SHROOM3: variants seen among roughly 807,000 people sequenced by gnomAD.
SHROOM3 encodes shroom family member 3, also known as protein Shroom3.
Under a neutral mutation model 138.6 loss-of-function variants are expected in SHROOM3, and 47 were observed. The ratio of observed to expected loss-of-function variants is 0.34; its 90% confidence interval spans 0.27 to 0.43. SHROOM3 has a LOEUF of 0.43. Ranked by LOEUF, SHROOM3 falls within the 20% of genes least tolerant of loss-of-function variation. The pLI is 1.00. For synonymous variants in SHROOM3, 1,062 were observed against 1,063.3 expected, an observed-to-expected ratio of 1.00 and a Z score of 0.02; for missense variants, 2,491 against 2,596.5, an observed-to-expected ratio of 0.96 and a Z score of 0.88.
At chr4:76,609,644 T>A (rs1577916939) in intron 2 of SHROOM3, among the ~76,000 whole-genome samples, 2 of 152,186 alleles carry the variant, frequency 1.3e-5, no homozygotes, top group African/African-American at 4.8e-5. Context: ...AAAAACAAAT[T>A]ACGTTGTAAA....
Position 76,649,499 on chromosome 4 carries a change from G to A in SHROOM3, c.324-60657G>A, listed in dbSNP as rs181443144. 1.4e-3 allele frequency among the ~76,000 whole-genome samples: 220 copies of A among 152,290 alleles called. 1 individual carries two copies. The highest frequency in any genetic ancestry group is 5.1e-3 in the African/African-American group (211 of 41,560). On this transcript the variant is annotated intron_variant, in intron 2 of 10. Coordinates refer to ENST00000296043, the MANE Select transcript of SHROOM3 (RefSeq NM_020859.4). Reference sequence around the variant, plus strand: ...GATCCTAGGGCTTCAATCAAAACCAGTGAGTAGTTTTAAGCAAAATTCTTT... The same window carrying A: ...GATCCTAGGGCTTCAATCAAAACCAATGAGTAGTTTTAAGCAAAATTCTTT...
chr4:76,762,904 A>G (rs1224106715), intron 9 of SHROOM3, among the ~76,000 whole-genome samples: 1 of 152,232 alleles, frequency 6.6e-6, no homozygotes, highest in Non-Finnish European at 1.5e-5. Context: ...TACCTCCTCC[A>G]GGAAGATAAA....
intron 4 of SHROOM3, among the ~76,000 whole-genome samples, chr4:76,731,499 G>A (rs1036758487): frequency 2.6e-5 from 4 of 152,086 alleles, no homozygotes; most frequent in Admixed American, 2.0e-4. Context: ...TGAAGCTTGC[G>A]GCTGGGTGCA....
At chr4:76,538,993 G>T (rs1469996722) in intron 1 of SHROOM3, among the ~76,000 whole-genome samples, 1 of 152,168 alleles carries the variant, frequency 6.6e-6, no homozygotes, top group East Asian at 1.9e-4. Context: ...TTCTTAGGCT[G>T]TAGGGAGCTG....
At chr4:76,733,316 C>T (rs1720936318) in intron 4 of SHROOM3, among the ~76,000 whole-genome samples, 1 of 152,176 alleles carries the variant, frequency 6.6e-6, no homozygotes, top group South Asian at 2.1e-4. Flanking sequence ...ATCCCAGCCT[C>T]CAGAGGGGCT....
At chr4:76,578,668 CT>C (rs1362497936) in intron 2 of SHROOM3, among the ~76,000 whole-genome samples, 1 of 152,172 alleles carries the variant, frequency 6.6e-6, no homozygotes, top group Non-Finnish European at 1.5e-5. Flanking sequence ...CTGGAATAAG[CT>C]GGAAAGGTCT....
chr4:76,703,455 T>A (rs755846012), intron 2 of SHROOM3, among the ~76,000 whole-genome samples: 22 of 152,122 alleles, frequency 1.4e-4, no homozygotes, highest in Non-Finnish European at 2.8e-4. Context: ...AAACGGCTGA[T>A]CAATGGTCAG....
At chr4:76,567,989 C>T (rs578068126) in intron 2 of SHROOM3, among the ~76,000 whole-genome samples, 1 of 152,106 alleles carries the variant, frequency 6.6e-6, no homozygotes, top group Non-Finnish European at 1.5e-5. Flanking sequence ...GTCAGCATCC[C>T]CTGCAGAGTC....
Position 76,618,752 on chromosome 4 carries a change from G to A in SHROOM3, c.323+62989G>A, listed in dbSNP as rs183295656. ...CAACTCTAGTAATTTTAACATTGATGTAATACTTTATTTTCTGAATTTCTG... is the reference window on the plus strand; with the variant it reads ...CAACTCTAGTAATTTTAACATTGATATAATACTTTATTTTCTGAATTTCTG... On this transcript the variant is annotated intron_variant, in intron 2 of 10. Transcript: ENST00000296043. 7.2e-5 allele frequency among the ~76,000 whole-genome samples: 11 copies of A among 152,246 alleles called. No individual in the cohort carries two copies. In the East Asian group the frequency reaches 1.9e-3, roughly 27 times the overall value.
chr4:76,495,459 C>T (rs1411574616), intron 1 of SHROOM3, among the ~76,000 whole-genome samples: 1 of 152,364 alleles, frequency 6.6e-6, no homozygotes, highest in East Asian at 1.9e-4. Flanking sequence ...CCTTCCTGCT[C>T]CAGAGATCTG....
intron 1 of SHROOM3, among the ~76,000 whole-genome samples, chr4:76,493,645 T>C (rs892983635): frequency 1.3e-5 from 2 of 152,210 alleles, no homozygotes; most frequent in Non-Finnish European, 2.9e-5. Flanking sequence ...GTATCTCCTC[T>C]ACCCACTTTG....
chr4:76,658,649 CAAACCCCCTCCCATGTGTGTA>C (rs944175517), intron 2 of SHROOM3, among the ~76,000 whole-genome samples: 7 of 152,118 alleles, frequency 4.6e-5, no homozygotes, highest in Non-Finnish European at 7.4e-5. Context: ...GCTACCCTTC[CAAACCCCCTCCCATGTGTGTA>C]TGTGTGTGTG....
chr4:76,608,110 G>C (rs1376605180), intron 2 of SHROOM3, among the ~76,000 whole-genome samples: 5 of 152,178 alleles, frequency 3.3e-5, no homozygotes, highest in African/African-American at 1.2e-4. Context: ...TGCAAACAAA[G>C]AAAAGCCTCA....
Position 76,435,988 on chromosome 4 carries a change from A to G in SHROOM3, c.-65A>G. 1.3e-6 allele frequency: 2 copies of G among 1,574,560 alleles called. No individual in the cohort carries two copies. Among genetic ancestry groups the G allele is most frequent in the African/African-American group, 1.3e-5 (1 of 74,188 alleles). Reference sequence around the variant, plus strand: ...AAGGATGGGACAACTTGTGCTGTAGAAGCACTGCTTGCCTGAGTTTGCTTC... The same window carrying G: ...AAGGATGGGACAACTTGTGCTGTAGGAGCACTGCTTGCCTGAGTTTGCTTC... On this transcript the variant is annotated 5_prime_UTR_variant, in exon 1 of 11. Coordinates refer to ENST00000296043, the MANE Select transcript of SHROOM3 (RefSeq NM_020859.4).
At chr4:76,495,331 G>A (rs1171787474) in intron 1 of SHROOM3, among the ~76,000 whole-genome samples, 1 of 152,018 alleles carries the variant, frequency 6.6e-6, no homozygotes, top group Non-Finnish European at 1.5e-5. Flanking sequence ...CTGCTGAAAG[G>A]AGCAAAAAAA....
chr4:76,611,015 C>T (rs1233503746), intron 2 of SHROOM3, among the ~76,000 whole-genome samples: 8 of 152,158 alleles, frequency 5.3e-5, no homozygotes, highest in African/African-American at 1.9e-4. Context: ...GAGGGGCTTG[C>T]TTGAAGAGTT....
intron 2 of SHROOM3, among the ~76,000 whole-genome samples, chr4:76,602,119 A>C (rs1440238477): frequency 6.6e-6 from 1 of 152,224 alleles, no homozygotes; most frequent in African/African-American, 2.4e-5. Context: ...CCAAGTGTGA[A>C]GCCATCCAGG....
In SHROOM3 at chr4:76,706,245, G is replaced by T. The variant is rs1467644527; in HGVS notation, c.324-3911G>T. Among the ~76,000 whole-genome samples the T allele has an allele frequency of 3.3e-5, 5 of 152,146 alleles. No individual in the cohort carries two copies. In the East Asian group the frequency reaches 9.7e-4, roughly 29 times the overall value. On this transcript the variant is annotated intron_variant, in intron 2 of 10. Coordinates refer to ENST00000296043, the MANE Select transcript of SHROOM3 (RefSeq NM_020859.4). The stretch of plus-strand genomic sequence containing the variant: ...TTCTCCTACCTTAGCCTCCCGAGTG[G>T]CTGGGATTACAGGCATGTACCACCA...
At position 76,779,811 on chromosome 4, in the gene SHROOM3, T is replaced by G. The variant is rs983995283; in HGVS notation, c.*634T>G. The G allele has an allele frequency of 3.9e-5, 6 of 152,868 alleles. No individual in the cohort carries two copies. The highest frequency in any genetic ancestry group is 1.4e-4 in the African/African-American group (6 of 41,458). The allele number at this position is 152,868 out of a possible 1,614,324, so 9.5% of individuals were successfully genotyped here. On this transcript the variant is annotated 3_prime_UTR_variant, in exon 11 of 11. Coordinates refer to ENST00000296043, the MANE Select transcript of SHROOM3 (RefSeq NM_020859.4). The stretch of plus-strand genomic sequence containing the variant: ...AGATAGTCACGTTGAGCGTGAAGAC[T>G]TTTTTTCTTACATTCCTGTCTTATT...
Sources: allele counts gnomAD v4.1 joint callset (sites outside exome capture counted in the v4.1 genomes callset), GRCh38; gene constraint gnomAD v4.1.1; transcripts MANE v1.5; gene names NCBI Gene and HGNC (gene_info 2026-07-23, HGNC 2026-07-21).